SMARCC1: variants seen among roughly 807,000 people sequenced by gnomAD.
SMARCC1 encodes SWI/SNF related BAF chromatin remodeling complex subunit C1, also known as SWI/SNF complex subunit SMARCC1.
SMARCC1 carries 43 observed loss-of-function variants against 147.4 expected under a neutral mutation model. The observed-to-expected ratio is 0.29, with a 90% CI of 0.23 to 0.38. The LOEUF (loss-of-function observed/expected upper bound fraction) is 0.38, where lower values mean the gene tolerates loss of function less well. Ranked by LOEUF, SMARCC1 falls within the 10% of genes least tolerant of loss-of-function variation. The pLI is 1.00. For synonymous variants in SMARCC1, 495 were observed against 484.4 expected (o/e 1.02, Z -0.29); for missense variants, 1,119 against 1,381.1 (o/e 0.81, Z 3.01).
In SMARCC1 at chr3:47,704,814, G is replaced by A. The variant is rs9848332; in HGVS notation, c.1040+1595C>T. On this transcript the variant is annotated intron_variant, in intron 10 of 27. Coordinates refer to ENST00000254480, the MANE Select transcript of SMARCC1 (RefSeq NM_003074.4). ...CACCTGTAGTCTCAGCTACTCCAGA[G>A]GCTGAGGTAGGAGAATCGCCTGAGC... Among the ~76,000 whole-genome samples the A allele has an allele frequency of 4.4e-3, 672 of 152,122 alleles. 5 individuals are homozygous for A. Among genetic ancestry groups the A allele is most frequent in the South Asian group, 0.032 (154 of 4,816 alleles).
At chr3:47,678,043 TGAAAG>T (rs1234166252) in intron 16 of SMARCC1, among the ~76,000 whole-genome samples, 150 bp downstream of exon 16, 5 of 152,074 alleles carry the variant, frequency 3.3e-5, no homozygotes, top group East Asian at 1.9e-4. Context: ...TTGAATGAAA[TGAAAG>T]GAAACAAAAT....
At chr3:47,638,895 T>C (rs563939658) in intron 21 of SMARCC1, 115 bp from the exon 22 acceptor site, 40 of 750,970 alleles carry the variant, frequency 5.3e-5, no homozygotes, top group Middle Eastern at 5.3e-4. Context: ...ATAACGAATA[T>C]CATAGCCATA....
At chr3:47,633,320 T>G (rs544806288) in intron 24 of SMARCC1, among the ~76,000 whole-genome samples, 1 of 152,194 alleles carries the variant, frequency 6.6e-6, no homozygotes, top group South Asian at 2.1e-4. Flanking sequence ...TAAAGCACCA[T>G]GAAGAATTTC....
intron 5 of SMARCC1, among the ~76,000 whole-genome samples, chr3:47,734,034 G>T (rs947338657): frequency 6.6e-6 from 1 of 151,502 alleles, no homozygotes; most frequent in African/African-American, 2.4e-5. Context: ...TGTATATACA[G>T]ACATACACAC....
chr3:47,659,149 C>T (rs919898164), intron 21 of SMARCC1, among the ~76,000 whole-genome samples: 13 of 145,668 alleles, frequency 8.9e-5, no homozygotes, highest in Non-Finnish European at 1.9e-4. Flanking sequence ...GAGAGAGAGA[C>T]AGAATCAGTA....
chr3:47,724,621 T>C (rs1207518804), intron 6 of SMARCC1, among the ~76,000 whole-genome samples: 3 of 152,222 alleles, frequency 2.0e-5, no homozygotes, highest in Non-Finnish European at 4.4e-5. Flanking sequence ...CTGTATTTTA[T>C]GTGTGGCCCA....
chr3:47,662,221 A>T, intron 20 of SMARCC1, 113 bp downstream of exon 20: 1 of 885,630 alleles, frequency 1.1e-6, no homozygotes, highest in Non-Finnish European at 1.7e-6. Flanking sequence ...TTTCACAGGT[A>T]ATATCTGATT....
At chr3:47,685,754 G>C (rs1258525117) in intron 14 of SMARCC1, among the ~76,000 whole-genome samples, 1 of 152,082 alleles carries the variant, frequency 6.6e-6, no homozygotes, top group Non-Finnish European at 1.5e-5. Flanking sequence ...CTACTCAGGA[G>C]GCTGAAGCAA....
chr3:47,727,076 G>A (rs1192081809), intron 6 of SMARCC1, among the ~76,000 whole-genome samples: 1 of 151,966 alleles, frequency 6.6e-6, no homozygotes, highest in Non-Finnish European at 1.5e-5. Context: ...AGCTGGGTGT[G>A]GTGGTGCACT....
At chr3:47,658,768 C>A (rs1485911946) in intron 21 of SMARCC1, among the ~76,000 whole-genome samples, 2 of 152,114 alleles carry the variant, frequency 1.3e-5, no homozygotes, top group Admixed American at 1.3e-4. Context: ...CTATAAGACA[C>A]AAACTACCAA....
At chr3:47,685,555 T>TA (rs2033710095) in intron 14 of SMARCC1, among the ~76,000 whole-genome samples, 1 of 150,874 alleles carries the variant, frequency 6.6e-6, no homozygotes, top group African/African-American at 2.4e-5. Flanking sequence ...TTGTTTTTCT[T>TA]TAAAAAAAAA....
Position 47,633,779 on chromosome 3 carries a change from TACACAC to T in SMARCC1, c.2646+1405_2646+1410del, listed in dbSNP as rs149363143. Among the ~76,000 whole-genome samples, 89 of 28,870 alleles carry T rather than the reference TACACAC, an allele frequency of 3.1e-3. 5 individuals are homozygous for T. The South Asian group carries it at 0.038, about 12-fold the overall frequency. 18.9% of individuals were successfully genotyped at this position (28,870 alleles called of 152,430 possible). A position where few individuals can be genotyped will look rare whatever the true frequency, so the allele number is the denominator to read the frequency against. ...AAAAAAAAAAATATATATATATATA[TACACAC>T]ACACACACACACACACACACACACA... On this transcript the variant is annotated intron_variant, in intron 24 of 27. Coordinates refer to ENST00000254480, the MANE Select transcript of SMARCC1 (RefSeq NM_003074.4).
chr3:47,753,712 CAA>C lies in SMARCC1; in HGVS notation c.316-7721_316-7720del, dbSNP rs71070226. ...GGGCAACAAGAGCAAAACTCCATCT[CAA>C]AAAAAAAAAAAAAAAAAAAGACAAA... is the stretch of plus-strand genomic sequence containing the variant. On this transcript the variant is annotated intron_variant, in intron 2 of 27. Transcript: ENST00000254480. Among the ~76,000 whole-genome samples, 177 of 69,596 alleles carry C rather than the reference CAA, an allele frequency of 2.5e-3. 1 individual carries two copies. The highest frequency in any genetic ancestry group is 4.1e-3 in the Non-Finnish European group (160 of 39,066). 45.7% of individuals were successfully genotyped at this position (69,596 alleles called of 152,430 possible). A position where few individuals can be genotyped will look rare whatever the true frequency, so the allele number is the denominator to read the frequency against.
At chr3:47,715,635 C>G (rs1324859713) in intron 7 of SMARCC1, among the ~76,000 whole-genome samples, 1 of 152,212 alleles carries the variant, frequency 6.6e-6, no homozygotes, top group African/African-American at 2.4e-5. Flanking sequence ...GTCCACATCA[C>G]TCTACTGATC....
At chr3:47,663,799 C>T in intron 19 of SMARCC1, 1 of 1,582,002 alleles carries the variant, frequency 6.3e-7, no homozygotes, top group South Asian at 1.1e-5. Flanking sequence ...CCCTCACCTA[C>T]AGCCTCTATT....
chr3:47,592,270 G>A (rs556490290), intron 26 of SMARCC1, among the ~76,000 whole-genome samples: 2 of 152,324 alleles, frequency 1.3e-5, no homozygotes, highest in Non-Finnish European at 2.9e-5. Context: ...CATATGGTCT[G>A]TGTCACAACT....
intron 27 of SMARCC1, among the ~76,000 whole-genome samples, 197 bp downstream of exon 27, chr3:47,590,464 A>G (rs2032158901): frequency 6.6e-6 from 1 of 152,176 alleles, no homozygotes; most frequent in Admixed American, 6.5e-5. Flanking sequence ...GATTAGAAGC[A>G]TTTTGTCACC....
intron 25 of SMARCC1, among the ~76,000 whole-genome samples, chr3:47,616,597 C>T (rs2032649167): frequency 6.6e-6 from 1 of 152,048 alleles, no homozygotes; most frequent in South Asian, 2.1e-4. Context: ...AGGCGCCCAC[C>T]ATCACGCCCA....
intron 2 of SMARCC1, among the ~76,000 whole-genome samples, chr3:47,752,240 T>C (rs1011454163): frequency 1.3e-5 from 2 of 152,124 alleles, no homozygotes; most frequent in South Asian, 2.1e-4. Context: ...AAAAGCTCAG[T>C]AGCACAATCA....
Sources: allele counts gnomAD v4.1 joint callset (sites outside exome capture counted in the v4.1 genomes callset), GRCh38; gene constraint gnomAD v4.1.1; transcripts MANE v1.5; gene names NCBI Gene and HGNC (gene_info 2026-07-23, HGNC 2026-07-21).